Variants in DHX9 observed in about 807,000 individuals in gnomAD.
DHX9 encodes the protein ATP-dependent RNA helicase A.
Under a neutral mutation model 148.7 loss-of-function variants are expected in DHX9, and 27 were observed. The ratio of observed to expected loss-of-function variants is 0.18; its 90% CI spans 0.13 to 0.25. The LOEUF is 0.25. Among genes scored for constraint, DHX9 ranks in the 10% least tolerant of loss-of-function variants. The pLI, the probability that DHX9 is intolerant of heterozygous loss-of-function variation, is 1.00. For missense variants in DHX9, 796 were observed against 1,559.6 expected (o/e 0.51, Z 8.25); for synonymous variants, 529 against 516.6 (o/e 1.02, Z -0.33).
intron 19 of DHX9, chr1:182,877,278 A>T (rs745391991): frequency 6.0e-6 from 1 of 167,684 alleles, no homozygotes; most frequent in Non-Finnish European, 1.3e-5. Context: ...CTTGAAGGAC[A>T]CTCCTTTAAG....
chr1:182,875,812 TTG>T (rs1289118583), intron 16 of DHX9, among the ~76,000 whole-genome samples: 1 of 152,154 alleles, frequency 6.6e-6, no homozygotes, highest in African/African-American at 2.4e-5. Flanking sequence ...AAATTTAAGT[TTG>T]TGTTTGAATT....
intron 12 of DHX9, among the ~76,000 whole-genome samples, chr1:182,860,618 A>T (rs1012848728): frequency 1.3e-5 from 2 of 152,264 alleles, no homozygotes; most frequent in African/African-American, 4.8e-5. Flanking sequence ...TGACCCTAAG[A>T]TGTAAGTACT....
At chr1:182,852,935 A>AT (rs1668181420) in intron 4 of DHX9, among the ~76,000 whole-genome samples, 1 of 110,968 alleles carries the variant, frequency 9.0e-6, no homozygotes, top group Non-Finnish European at 1.7e-5. Context: ...ACTTCATATG[A>AT]TTGCTTTTTG....
intron 24 of DHX9, 133 bp from the exon 25 acceptor site, chr1:182,883,003 AGAG>A (rs1195979481): frequency 2.3e-5 from 15 of 648,692 alleles, no homozygotes; most frequent in Middle Eastern, 3.5e-4. Context: ...GATTCTGAGA[AGAG>A]AAAGTTTTAC....
intron 3 of DHX9, 109 bp downstream of exon 3, chr1:182,843,543 G>GT: frequency 8.8e-7 from 1 of 1,140,036 alleles, no homozygotes; most frequent in Non-Finnish European, 1.2e-6. Context: ...GATATATCGT[G>GT]TTTCGTAATG....
chr1:182,855,747 C>A, intron 6 of DHX9: 1 of 985,332 alleles, frequency 1.0e-6, no homozygotes, highest in Non-Finnish European at 1.2e-6. Context: ...AGGAGTCTAA[C>A]ATTTATTTTT....
At chr1:182,874,739 G>C in intron 15 of DHX9, 115 bp from the exon 16 acceptor site, 1 of 782,912 alleles carries the variant, frequency 1.3e-6, no homozygotes, top group Non-Finnish European at 2.1e-6. Context: ...CATTTGTGAA[G>C]AATCAGACTA....
At chr1:182,868,503 A>G (rs1193055034) in intron 14 of DHX9, among the ~76,000 whole-genome samples, 1 of 141,978 alleles carries the variant, frequency 7.0e-6, no homozygotes, top group Non-Finnish European at 1.5e-5. Flanking sequence ...ATGATAATCT[A>G]ACACTTATTT....
At chr1:182,858,364 A>C in intron 8 of DHX9, 124 bp downstream of exon 8, 1 of 1,206,754 alleles carries the variant, frequency 8.3e-7, no homozygotes, top group Non-Finnish European at 1.2e-6. Flanking sequence ...TGGCCCTGCT[A>C]ATCATCTCTG....
chr1:182,852,310 A>G lies in DHX9; in HGVS notation c.330A>G (p.Gly110=), dbSNP rs1668167601. The part of the protein sequence containing the change: ...NAEGDLPTTM[G]GPLPPHLALK... ...AAGGAGATTTACCAACAACCATGGGAGGACCTCTTCCTCCACATCTGGCTC... is the reference window on the plus strand; with the variant it reads ...AAGGAGATTTACCAACAACCATGGGGGGACCTCTTCCTCCACATCTGGCTC... Residue 110 remains glycine, a synonymous_variant, in exon 4 of 28, where the codon GGA becomes GGG. Coordinates refer to ENST00000367549, the MANE Select transcript of DHX9 (RefSeq NM_001357.5). 6.2e-7 allele frequency: 1 copy of G among 1,612,968 alleles called. No individual in the cohort carries two copies.
At chr1:182,859,673 C>T (rs1055598984) in intron 11 of DHX9, among the ~76,000 whole-genome samples, 1 of 152,076 alleles carries the variant, frequency 6.6e-6, no homozygotes, top group African/African-American at 2.4e-5. Context: ...AGTACAGTGG[C>T]TCAGTCTCGG....
In DHX9 at chr1:182,862,962, T is replaced by C. The variant is rs1668389756; in HGVS notation, c.1332+2778T>C. On this transcript the variant is annotated intron_variant, in intron 12 of 27. Coordinates refer to ENST00000367549, the MANE Select transcript of DHX9 (RefSeq NM_001357.5). ...AGAAGTGTGGGGAAGAGGTTAGCAC[T>C]TGAAATTACCTACTACTATGGCTGG... Among the ~76,000 whole-genome samples the C allele has an allele frequency of 2.6e-5, 4 of 152,196 alleles. No homozygotes were observed. The South Asian group carries it at 8.3e-4, about 32-fold the overall frequency.
chr1:182,849,084 A>G (rs1050655051), intron 3 of DHX9, among the ~76,000 whole-genome samples: 3 of 152,214 alleles, frequency 2.0e-5, no homozygotes, highest in African/African-American at 4.8e-5. Flanking sequence ...GTTACCAGCT[A>G]CCATCTTTAT....
At chr1:182,873,977 C>G (rs1648657456) in intron 15 of DHX9, among the ~76,000 whole-genome samples, 1 of 151,988 alleles carries the variant, frequency 6.6e-6, no homozygotes, top group Non-Finnish European at 1.5e-5. Context: ...AAAGCTGGAA[C>G]AGTTTGAGGA....
At chr1:182,881,191 C>A in intron 22 of DHX9, 73 bp from the exon 23 acceptor site, 2 of 1,477,862 alleles carry the variant, frequency 1.4e-6, no homozygotes, top group South Asian at 1.3e-5. Flanking sequence ...AACCCACAGT[C>A]GACAGTCCTA....
At chr1:182,848,004 T>G (rs1018657735) in intron 3 of DHX9, among the ~76,000 whole-genome samples, 14 of 152,212 alleles carry the variant, frequency 9.2e-5, no homozygotes, top group Non-Finnish European at 2.1e-4. Flanking sequence ...TGTTTCCTAT[T>G]AAATGCTCTG....
intron 12 of DHX9, among the ~76,000 whole-genome samples, chr1:182,861,557 A>G (rs1668364450): frequency 6.6e-6 from 1 of 152,156 alleles, no homozygotes; most frequent in Non-Finnish European, 1.5e-5. Context: ...TCTAATCTCA[A>G]AAGCAGTTGT....
intron 3 of DHX9, among the ~76,000 whole-genome samples, chr1:182,845,751 T>TA (rs1668016782): frequency 6.6e-6 from 1 of 152,214 alleles, no homozygotes; most frequent in African/African-American, 2.4e-5. Flanking sequence ...TGGGGTCAGT[T>TA]AATTTGCTAG....
At chr1:182,860,290 C>T (rs1276836778) in intron 12 of DHX9, 106 bp downstream of exon 12, 2 of 948,842 alleles carry the variant, frequency 2.1e-6, no homozygotes, top group East Asian at 5.9e-5. Flanking sequence ...AGCATTGTGC[C>T]CTTGAAATTA....
Sources: allele counts gnomAD v4.1 joint callset (sites outside exome capture counted in the v4.1 genomes callset), GRCh38; gene constraint gnomAD v4.1.1; transcripts MANE v1.5; gene names NCBI Gene and HGNC (gene_info 2026-07-23, HGNC 2026-07-21).